RERE: variants seen among roughly 807,000 people sequenced by gnomAD.
RERE encodes the protein arginine-glutamic acid dipeptide repeats, also known as arginine-glutamic acid dipeptide repeats protein.
Under a neutral mutation model 146.1 loss-of-function variants are expected in RERE, and 40 were observed. The observed-to-expected ratio is 0.27, with a 90% CI of 0.21 to 0.36. RERE has a LOEUF of 0.36. Ranked by LOEUF, RERE falls within the 10% of genes least tolerant of loss-of-function variation. RERE has a pLI of 1.00. For missense variants in RERE, 1,933 were observed against 2,138.7 expected (o/e 0.90, Z 1.90); for synonymous variants, 1,003 against 866.0 (o/e 1.16, Z -2.78).
chr1:8,516,506 C>T (rs1046087716), intron 7 of RERE, among the ~76,000 whole-genome samples: 5 of 152,102 alleles, frequency 3.3e-5, no homozygotes, highest in African/African-American at 9.7e-5. Context: ...TCTAATCTTA[C>T]AGGCGACCCT....
At chr1:8,805,395 TC>T (rs1641670266) in intron 1 of RERE, among the ~76,000 whole-genome samples, 1 of 152,038 alleles carries the variant, frequency 6.6e-6, no homozygotes, top group Non-Finnish European at 1.5e-5. Flanking sequence ...TCGCCTATAA[TC>T]CCAGCACTTT....
chr1:8,454,265 CTGTG>C (rs545168049), intron 11 of RERE, among the ~76,000 whole-genome samples: 1 of 151,954 alleles, frequency 6.6e-6, no homozygotes, highest in Admixed American at 6.5e-5. Flanking sequence ...CAAAAGGACA[CTGTG>C]TGTGTGTGTA....
intron 2 of RERE, among the ~76,000 whole-genome samples, chr1:8,647,871 G>A (rs1269322652): frequency 1.3e-5 from 2 of 152,102 alleles, no homozygotes; most frequent in South Asian, 2.1e-4. Flanking sequence ...AAATATCGGG[G>A]ACTCCCTCCC....
At chr1:8,578,859 C>A (rs1006642488) in intron 4 of RERE, among the ~76,000 whole-genome samples, 6 of 152,170 alleles carry the variant, frequency 3.9e-5, no homozygotes, top group African/African-American at 1.2e-4. Context: ...AGTAAAAGAT[C>A]CTTTATATGA....
At chr1:8,768,708 A>C (rs920659391) in intron 1 of RERE, among the ~76,000 whole-genome samples, 9 of 152,232 alleles carry the variant, frequency 5.9e-5, no homozygotes, top group Non-Finnish European at 1.3e-4. Context: ...TTTACAACAC[A>C]AAAGATGTGA....
At chr1:8,757,847 A>G (rs975445684) in intron 1 of RERE, among the ~76,000 whole-genome samples, 1 of 152,090 alleles carries the variant, frequency 6.6e-6, no homozygotes, top group Non-Finnish European at 1.5e-5. Flanking sequence ...AATCAACCTA[A>G]GTGTCCATCA....
chr1:8,413,841 A>T (rs1385793250), intron 12 of RERE, among the ~76,000 whole-genome samples: 2 of 151,380 alleles, frequency 1.3e-5, no homozygotes, highest in Non-Finnish European at 2.9e-5. Flanking sequence ...GTATCATCTG[A>T]GGTCGGGAGT....
At chr1:8,551,111 C>T (rs1645929825) in intron 6 of RERE, among the ~76,000 whole-genome samples, 1 of 152,156 alleles carries the variant, frequency 6.6e-6, no homozygotes, top group South Asian at 2.1e-4. Flanking sequence ...TATAACCTGA[C>T]CTGCAGTAGG....
At chr1:8,639,507 C>T (rs1005567772) in intron 2 of RERE, among the ~76,000 whole-genome samples, 1 of 152,136 alleles carries the variant, frequency 6.6e-6, no homozygotes, top group South Asian at 2.1e-4. Context: ...CCAGCCAGTC[C>T]AGAGAATAAA....
intron 2 of RERE, among the ~76,000 whole-genome samples, chr1:8,639,103 A>G (rs1647141979): frequency 1.3e-5 from 2 of 152,180 alleles, no homozygotes; most frequent in Non-Finnish European, 1.5e-5. Context: ...ATAGCCAAAT[A>G]TTATAAATGT....
Position 8,423,768 on chromosome 1 carries a change from G to A in RERE, c.1204-961C>T. The A allele has an allele frequency of 1.2e-6, 1 of 835,702 alleles. No homozygotes were observed. Among genetic ancestry groups the A allele is most frequent in the Non-Finnish European group, 1.4e-6 (1 of 696,480 alleles). 51.8% of individuals were successfully genotyped at this position (835,702 alleles called of 1,614,324 possible). On this transcript the variant is annotated intron_variant, in intron 11 of 22. Transcript: ENST00000400908. The surrounding 1 kb of genome is among the most constrained non-coding windows in gnomAD (Gnocchi z 5.4). ...GGGGCGCGGGGCTGGGGCCGCCGCT[G>A]ACGGGGGAGGAGGCAGGAGCGCGGC...
At chr1:8,605,233 A>G (rs535673060) in intron 4 of RERE, among the ~76,000 whole-genome samples, 1 of 152,274 alleles carries the variant, frequency 6.6e-6, no homozygotes, top group African/African-American at 2.4e-5. Context: ...CCCTGATTCA[A>G]GCAATTCTCC....
rs549773086 is a variant in RERE at position 8,644,421 on chromosome 1, TC to T, written c.325+11551del. Among the ~76,000 whole-genome samples, 1,402 of 152,264 alleles carry T rather than the reference TC, an allele frequency of 9.2e-3. 14 individuals are homozygous for T. Among genetic ancestry groups the T allele is most frequent in the South Asian group, 0.018 (85 of 4,820 alleles). ...TCCAAGTAGGTTTTGGAGGCTTTTT[TC>T]CAGCTTCCCAACCATTATGGGGGAA... On this transcript the variant is annotated intron_variant, in intron 2 of 22. Transcript: ENST00000400908.
intron 4 of RERE, among the ~76,000 whole-genome samples, chr1:8,575,562 T>TATATATATATATATATA (rs1491346958): frequency 5.6e-5 from 2 of 35,436 alleles, no homozygotes; most frequent in African/African-American, 2.4e-4. Context: ...TATATATATA[T>TATATATATATATATATA]TTTTTTTTTT....
intron 7 of RERE, among the ~76,000 whole-genome samples, chr1:8,531,748 A>C (rs1480238830): frequency 6.6e-6 from 1 of 152,208 alleles, no homozygotes; most frequent in Non-Finnish European, 1.5e-5. Context: ...TTCCTTTTCT[A>C]AGAGTCCCCT....
intron 1 of RERE, among the ~76,000 whole-genome samples, chr1:8,716,029 C>T (rs2124466395): frequency 6.6e-6 from 1 of 152,148 alleles, no homozygotes; most frequent in Middle Eastern, 3.4e-3. Flanking sequence ...CCTGTGGTCT[C>T]AGCTACTTGG....
intron 11 of RERE, among the ~76,000 whole-genome samples, chr1:8,449,861 T>C (rs1644369654): frequency 6.6e-6 from 1 of 152,190 alleles, no homozygotes; most frequent in East Asian, 1.9e-4. Flanking sequence ...AGTGGTATCA[T>C]TTACCCAGAA....
At chr1:8,481,478 T>C (rs921874858) in intron 10 of RERE, among the ~76,000 whole-genome samples, 1 of 152,226 alleles carries the variant, frequency 6.6e-6, no homozygotes, top group African/African-American at 2.4e-5. Flanking sequence ...CAAGTTTAAA[T>C]AGTTATGTAT....
intron 12 of RERE, among the ~76,000 whole-genome samples, chr1:8,418,077 T>C (rs1310603649): frequency 1.3e-5 from 2 of 152,212 alleles, no homozygotes; most frequent in Non-Finnish European, 2.9e-5. Flanking sequence ...CTACCAAGTA[T>C]GGCAGGTATG....
Sources: allele counts gnomAD v4.1 joint callset (sites outside exome capture counted in the v4.1 genomes callset), GRCh38; gene constraint gnomAD v4.1.1; non-coding constraint Gnocchi (gnomAD v3.1); transcripts MANE v1.5; gene names NCBI Gene and HGNC (gene_info 2026-07-23, HGNC 2026-07-21).